The following TMCO5A variants were observed in gnomAD, a reference collection of about 807,000 sequenced individuals.
TMCO5A encodes transmembrane and coiled-coil domains 5A.
A neutral mutation model predicts 42.3 loss-of-function variants in TMCO5A; 34 were observed. The observed-to-expected ratio is 0.80, with a 90% confidence interval of 0.61 to 1.07. TMCO5A has a LOEUF of 1.07. Among genes scored for constraint, TMCO5A ranks in the 50% least tolerant of loss-of-function variants. The pLI, the probability that TMCO5A is intolerant of heterozygous loss-of-function variation, is 0.00. For synonymous variants in TMCO5A, 131 were observed against 115.6 expected (o/e 1.13, Z -0.86); for missense variants, 357 against 327.9 (o/e 1.09, Z -0.69).
chr15:37,942,488 G>T lies in TMCO5A; in HGVS notation c.569+233G>T, dbSNP rs115153734. On this transcript the variant is annotated intron_variant, in intron 9 of 11. Coordinates refer to ENST00000319669, the MANE Select transcript of TMCO5A (RefSeq NM_152453.4). ...ACAGAAACACATCTCCCTTCGTAAT[G>T]TTATCACATTATCACATTATTATTC... 7.0e-3 allele frequency: 3,238 copies of T among 465,312 alleles called. 94 individuals are homozygous for T. Among genetic ancestry groups the T allele is most frequent in the African/African-American group, 0.056 (2,899 of 51,522 alleles). The allele number at this position is 465,312 out of a possible 1,614,324, so 28.8% of individuals were successfully genotyped here.
At chr15:37,944,951 T>C (rs1353000745) in intron 10 of TMCO5A, among the ~76,000 whole-genome samples, 1 of 152,098 alleles carries the variant, frequency 6.6e-6, no homozygotes, top group African/African-American at 2.4e-5. Flanking sequence ...GGTGGTTTGC[T>C]GCACAGATCA....
downstream of TMCO5A, among the ~76,000 whole-genome samples, chr15:37,952,625 G>A (rs1229174820): frequency 6.6e-6 from 1 of 152,188 alleles, no homozygotes; most frequent in Non-Finnish European, 1.5e-5. Context: ...GGCTTCAGGT[G>A]AGACTCAGCA....
chr15:37,989,376 T>C, the TMCO5A span, among the ~76,000 whole-genome samples: 1 of 152,004 alleles, frequency 6.6e-6, no homozygotes, highest in Admixed American at 6.6e-5. Flanking sequence ...TTTTACTTTC[T>C]TAAATTATTA....
chr15:37,992,858 A>T, the TMCO5A span, among the ~76,000 whole-genome samples: 1 of 152,128 alleles, frequency 6.6e-6, no homozygotes, highest in African/African-American at 2.4e-5. Context: ...AGAGTAGAGG[A>T]TGGGAAGAGG....
the TMCO5A span, among the ~76,000 whole-genome samples, chr15:37,981,633 C>T: frequency 6.6e-6 from 1 of 152,138 alleles, no homozygotes; most frequent in Admixed American, 6.6e-5. Flanking sequence ...GCCAGGGAAA[C>T]ATGGCAGGAC....
chr15:37,997,573 A>T, the TMCO5A span, among the ~76,000 whole-genome samples: 1 of 152,134 alleles, frequency 6.6e-6, no homozygotes, highest in South Asian at 2.1e-4. Flanking sequence ...AGTACTCCAT[A>T]GTATGTATGT....
the TMCO5A span, among the ~76,000 whole-genome samples, chr15:38,020,881 G>A: frequency 1.3e-5 from 2 of 152,074 alleles, no homozygotes; most frequent in Admixed American, 1.3e-4. Flanking sequence ...GGTAAACTTT[G>A]TTGGTTTAAT....
At chr15:37,961,794 C>T (rs938691207) in intron 11 of TMCO5A, among the ~76,000 whole-genome samples, 11 of 151,710 alleles carry the variant, frequency 7.3e-5, no homozygotes, top group African/African-American at 2.2e-4. Context: ...TATTTTTGAG[C>T]TACTGTAAAA....
chr15:38,012,270 G>A, the TMCO5A span, among the ~76,000 whole-genome samples: 7 of 152,066 alleles, frequency 4.6e-5, no homozygotes, highest in Non-Finnish European at 8.8e-5. Flanking sequence ...TGTCTCTCAC[G>A]GTGCCTCTCA....
intron 5 of TMCO5A, 104 bp downstream of exon 5, chr15:37,937,500 A>G (rs1889561995): frequency 8.1e-7 from 1 of 1,234,780 alleles, no homozygotes; most frequent in Non-Finnish European, 1.2e-6. Context: ...TAAGTCAGAG[A>G]GGCCTGTATG....
the TMCO5A span, among the ~76,000 whole-genome samples, chr15:38,019,408 T>C: frequency 3.9e-5 from 6 of 152,328 alleles, no homozygotes; most frequent in South Asian, 1.2e-3. Context: ...GGTTAATTCT[T>C]CTAAGGAAAA....
intron 11 of TMCO5A, among the ~76,000 whole-genome samples, chr15:37,965,391 G>A (rs12595488): frequency 0.028 from 4,242 of 152,150 alleles, 167 homozygotes; most frequent in African/African-American, 0.083. Flanking sequence ...AGGCAACCAA[G>A]ACAAAAGTGG....
chr15:38,006,392 A>G, the TMCO5A span, among the ~76,000 whole-genome samples: 1 of 152,134 alleles, frequency 6.6e-6, no homozygotes, highest in African/African-American at 2.4e-5. Context: ...GAGGTGGTTG[A>G]GCTTATGGAC....
At chr15:38,001,984 C>T in the TMCO5A span, among the ~76,000 whole-genome samples, 1 of 152,008 alleles carries the variant, frequency 6.6e-6, no homozygotes, top group Admixed American at 6.6e-5. Flanking sequence ...AATATTCTGT[C>T]TTTCTGTGTA....
chr15:37,936,791 A>G (rs17557582), intron 3 of TMCO5A, 56 bp from the exon 4 acceptor site: 208,371 of 1,601,788 alleles, frequency 0.13, 13,939 homozygotes, highest in Admixed American at 0.17. Context: ...TCTGTGTTTT[A>G]TCAGTTCTGA....
the TMCO5A span, among the ~76,000 whole-genome samples, chr15:37,983,837 G>C: frequency 0.048 from 7,304 of 150,862 alleles, 586 homozygotes; most frequent in African/African-American, 0.17. Context: ...TGATTCTCCT[G>C]CCTCAGCCTC....
At chr15:37,935,205 T>A (rs1220766630) in intron 1 of TMCO5A, 52 bp from the exon 2 acceptor site, 1 of 152,118 alleles carries the variant, frequency 6.6e-6, no homozygotes. Context: ...ACTGTATTCA[T>A]AAATGAACCC....
chr15:37,978,715 T>C, the TMCO5A span, among the ~76,000 whole-genome samples: 3 of 152,326 alleles, frequency 2.0e-5, no homozygotes, highest in East Asian at 1.9e-4. Flanking sequence ...TTGTGCTGGG[T>C]TGCCCCGTTT....
At chr15:37,937,840 C>A (rs910811344) in intron 5 of TMCO5A, among the ~76,000 whole-genome samples, 1 of 152,108 alleles carries the variant, frequency 6.6e-6, no homozygotes, top group African/African-American at 2.4e-5. Flanking sequence ...AGTGGGCTTC[C>A]AATGACTACC....
Sources: allele counts gnomAD v4.1 joint callset (sites outside exome capture counted in the v4.1 genomes callset), GRCh38; gene constraint gnomAD v4.1.1; transcripts MANE v1.5; gene names NCBI Gene and HGNC (gene_info 2026-07-23, HGNC 2026-07-21).